Variants in SLC1A1 observed in about 807,000 individuals in gnomAD.
SLC1A1 encodes excitatory amino acid transporter 3.
SLC1A1 carries 43 observed loss-of-function variants against 53.3 expected under a neutral mutation model. That is an observed-to-expected ratio of 0.81 (90% CI 0.63 to 1.04). The LOEUF is 1.04. Among genes scored for constraint, SLC1A1 ranks in the 50% least tolerant of loss-of-function variants. SLC1A1 has a pLI of 0.00. For synonymous variants in SLC1A1, 307 were observed against 243.2 expected (o/e 1.26, Z -2.44); for missense variants, 748 against 664.9 (o/e 1.12, Z -1.37).
At chr9:4,515,911 C>T (rs2130821514) in intron 1 of SLC1A1, among the ~76,000 whole-genome samples, 1 of 152,292 alleles carries the variant, frequency 6.6e-6, no homozygotes, top group Admixed American at 6.5e-5. Context: ...ACTAGATCCT[C>T]CACCCTCTTC....
chr9:4,527,968 C>T (rs1029293863), intron 1 of SLC1A1, among the ~76,000 whole-genome samples: 2 of 152,124 alleles, frequency 1.3e-5, no homozygotes, highest in Non-Finnish European at 2.9e-5. Context: ...AGAATACCCA[C>T]CTCTTGTTAC....
At chr9:4,576,191 C>CA in intron 9 of SLC1A1, 68 bp downstream of exon 9, 1 of 1,486,930 alleles carries the variant, frequency 6.7e-7, no homozygotes, top group South Asian at 1.1e-5. Flanking sequence ...CCTCACTTTA[C>CA]AAAACAGACT....
At chr9:4,529,979 T>C (rs930157687) in intron 1 of SLC1A1, among the ~76,000 whole-genome samples, 1 of 152,180 alleles carries the variant, frequency 6.6e-6, no homozygotes, top group Admixed American at 6.5e-5. Context: ...GAAGAAAATA[T>C]TGTACATGTA....
intron 2 of SLC1A1, among the ~76,000 whole-genome samples, chr9:4,560,942 G>C (rs1818878351): frequency 6.6e-6 from 1 of 151,064 alleles, no homozygotes; most frequent in South Asian, 2.1e-4. Flanking sequence ...GTTGTAATGA[G>C]CCGAGATCAC....
At chr9:4,544,509 G>C in intron 1 of SLC1A1, 58 bp from the exon 2 acceptor site, 1 of 1,503,836 alleles carries the variant, frequency 6.6e-7, no homozygotes, top group Middle Eastern at 1.7e-4. Context: ...CATAGACATA[G>C]ATACAGGAGA....
At chr9:4,552,766 T>C (rs1253349564) in intron 2 of SLC1A1, among the ~76,000 whole-genome samples, 1 of 151,648 alleles carries the variant, frequency 6.6e-6, no homozygotes, top group African/African-American at 2.4e-5. Flanking sequence ...GTCCTCAGCT[T>C]TAAAATATGG....
chr9:4,567,655 T>C lies in SLC1A1; in HGVS notation c.484-14T>C. On this transcript the variant is annotated splice_polypyrimidine_tract_variant and intron_variant, in intron 5 of 11. Coordinates refer to ENST00000262352, the MANE Select transcript of SLC1A1 (RefSeq NM_004170.6). ...TTTTTTGTTTGCTTGTCCTTGATTT[T>C]CTCCAACATGCAGTACAAAACTAAG... 1 of 1,566,878 alleles carries C rather than the reference T, an allele frequency of 6.4e-7. No individual in the cohort carries two copies. Among genetic ancestry groups the C allele is most frequent in the South Asian group, 1.1e-5 (1 of 89,590 alleles).
intron 1 of SLC1A1, among the ~76,000 whole-genome samples, chr9:4,534,805 T>A (rs2130860082): frequency 1.3e-5 from 2 of 152,216 alleles, no homozygotes; most frequent in Middle Eastern, 3.4e-3. Context: ...GCAAAAATCC[T>A]CAGTAAAATA....
At chr9:4,566,136 A>G in intron 5 of SLC1A1, 47 bp downstream of exon 5, 1 of 1,517,074 alleles carries the variant, frequency 6.6e-7, no homozygotes, top group Non-Finnish European at 9.2e-7. Flanking sequence ...TCTTCCCATT[A>G]TCAATTAAAA....
intron 1 of SLC1A1, among the ~76,000 whole-genome samples, chr9:4,523,824 C>G (rs190690180): frequency 6.6e-6 from 1 of 152,172 alleles, no homozygotes; most frequent in African/African-American, 2.4e-5. Context: ...ATATTTTGTT[C>G]TTCCCATTGT....
chr9:4,563,375 A>C (rs908684950), intron 3 of SLC1A1, among the ~76,000 whole-genome samples: 1 of 152,200 alleles, frequency 6.6e-6, no homozygotes, highest in African/African-American at 2.4e-5. Flanking sequence ...CACAGAGAAA[A>C]AATAGCAATG....
At chr9:4,562,677 T>C (rs1819069350) in intron 3 of SLC1A1, among the ~76,000 whole-genome samples, 1 of 152,106 alleles carries the variant, frequency 6.6e-6, no homozygotes, top group Non-Finnish European at 1.5e-5. Flanking sequence ...GTTTGGTTTT[T>C]TGTTCTTGCA....
chr9:4,527,093 G>A (rs1019471058), intron 1 of SLC1A1, among the ~76,000 whole-genome samples: 3 of 152,182 alleles, frequency 2.0e-5, no homozygotes, highest in African/African-American at 7.2e-5. Context: ...TGTGTTGTCA[G>A]AGGGCCACAT....
chr9:4,564,307 G>T (rs199651448), intron 3 of SLC1A1, 37 bp from the exon 4 acceptor site: 10 of 1,439,348 alleles, frequency 6.9e-6, no homozygotes, highest in Admixed American at 1.7e-5. Context: ...GCCCTGGAAG[G>T]TTCCTAATGC....
Position 4,585,763 on chromosome 9 carries a change from T to C in SLC1A1, c.*205T>C, listed in dbSNP as rs1349000846. The stretch of plus-strand genomic sequence containing the variant: ...GGGTGTGGGGTAAGTTGAAGGGAAA[T>C]CAATTTAAAGGAAAGTTCTATTATC... On this transcript the variant is annotated 3_prime_UTR_variant, in exon 12 of 12. Coordinates refer to ENST00000262352, the MANE Select transcript of SLC1A1 (RefSeq NM_004170.6). 9.8e-6 allele frequency: 6 copies of C among 614,826 alleles called. No homozygotes were observed. Among genetic ancestry groups the C allele is most frequent in the Middle Eastern group, 4.4e-4 (1 of 2,266 alleles). The allele number at this position is 614,826 out of a possible 1,614,324, so 38.1% of individuals were successfully genotyped here.
intron 1 of SLC1A1, among the ~76,000 whole-genome samples, chr9:4,522,944 G>C: frequency 6.6e-6 from 1 of 152,188 alleles, no homozygotes; most frequent in South Asian, 2.1e-4. Flanking sequence ...ACTGGCTGCA[G>C]CTTCCTTTAA....
chr9:4,556,783 T>C lies in SLC1A1; in HGVS notation c.233-4666T>C, dbSNP rs559876219. 1.9e-4 allele frequency among the ~76,000 whole-genome samples: 29 copies of C among 152,030 alleles called. No individual in the cohort carries two copies. Among genetic ancestry groups the C allele is most frequent in the South Asian group, 1.9e-3 (9 of 4,782 alleles). Reference sequence around the variant, plus strand: ...GCTGTTTTTATTTGGTGGTGGTGAGTTGGGGGAGAAAATCTTACTCTTTTT... The same window carrying C: ...GCTGTTTTTATTTGGTGGTGGTGAGCTGGGGGAGAAAATCTTACTCTTTTT... On this transcript the variant is annotated intron_variant, in intron 2 of 11. Transcript: ENST00000262352. This position sits in a 1 kb window ranked among gnomAD's most constrained non-coding sequence, Gnocchi z 4.1.
At chr9:4,533,802 G>C (rs528918298) in intron 1 of SLC1A1, among the ~76,000 whole-genome samples, 6 of 152,216 alleles carry the variant, frequency 3.9e-5, no homozygotes, top group East Asian at 3.9e-4. Flanking sequence ...TGACCACTTA[G>C]TTGGAAGTAA....
intron 2 of SLC1A1, among the ~76,000 whole-genome samples, chr9:4,551,912 A>G (rs1817958970): frequency 6.6e-6 from 1 of 152,232 alleles, no homozygotes; most frequent in South Asian, 2.1e-4. Flanking sequence ...AGACAAAACG[A>G]CCACATAGTG....
Sources: allele counts gnomAD v4.1 joint callset (sites outside exome capture counted in the v4.1 genomes callset), GRCh38; gene constraint gnomAD v4.1.1; non-coding constraint Gnocchi (gnomAD v3.1); transcripts MANE v1.5; gene names NCBI Gene and HGNC (gene_info 2026-07-23, HGNC 2026-07-21).